The following ESR1 variants were observed in gnomAD, a reference collection of about 807,000 sequenced individuals.
The protein encoded by ESR1 is estrogen receptor.
In ESR1, 12 loss-of-function variants were observed where a neutral mutation model predicts 52.7. The ratio of observed to expected loss-of-function variants is 0.23; its 90% CI spans 0.15 to 0.37. The LOEUF (loss-of-function observed/expected upper bound fraction) is 0.37. Ranked by LOEUF, ESR1 falls within the 10% of genes least tolerant of loss-of-function variation. ESR1 has a pLI of 1.00. For synonymous variants in ESR1, 305 were observed against 316.8 expected, an observed-to-expected ratio of 0.96 and a Z score of 0.39; for missense variants, 584 against 779.7, an observed-to-expected ratio of 0.75 and a Z score of 2.99.
chr6:151,971,858 A>T (rs1218701730), intron 4 of ESR1, among the ~76,000 whole-genome samples: 1 of 152,290 alleles, frequency 6.6e-6, no homozygotes, highest in East Asian at 1.9e-4. Context: ...AAAAAGATAA[A>T]TGAAACAAAA....
intron 1 of ESR1, among the ~76,000 whole-genome samples, chr6:151,676,783 C>A (rs959263200): frequency 3.9e-5 from 6 of 152,162 alleles, no homozygotes; most frequent in African/African-American, 1.4e-4. Context: ...AGAGAAACTG[C>A]TATCTGATAA....
chr6:151,752,712 G>A (rs952873087), intron 2 of ESR1, among the ~76,000 whole-genome samples: 3 of 152,080 alleles, frequency 2.0e-5, no homozygotes, highest in Non-Finnish European at 2.9e-5. Context: ...CATGTGTTCA[G>A]CATTTAAAAA....
chr6:151,910,606 T>A (rs1798115919), intron 3 of ESR1, among the ~76,000 whole-genome samples: 1 of 152,216 alleles, frequency 6.6e-6, no homozygotes, highest in African/African-American at 2.4e-5. Flanking sequence ...GAAAATTTTA[T>A]CAGTATCTGT....
Position 151,809,437 on chromosome 6 carries a change from A to G in ESR1, c.452+1073A>G, listed in dbSNP as rs1259713796. On this transcript the variant is annotated intron_variant, in intron 1 of 7. Transcript: ENST00000206249. ...GGGCGCTTCTGGTGAACACCTTCCT[A>G]GGTGGCCACAGGACAGGTGTACCCC... Among the ~76,000 whole-genome samples the G allele has an allele frequency of 5.9e-5, 9 of 152,130 alleles. No homozygotes were observed. The East Asian group carries it at 1.7e-3, about 29-fold the overall frequency.
chr6:151,901,979 C>T (rs1190019163), intron 3 of ESR1, among the ~76,000 whole-genome samples: 2 of 152,146 alleles, frequency 1.3e-5, no homozygotes, highest in Non-Finnish European at 2.9e-5. Flanking sequence ...TTGGCCTTGA[C>T]GTATTACATT....
intron 3 of ESR1, among the ~76,000 whole-genome samples, chr6:151,927,326 G>C (rs1204714174): frequency 6.6e-6 from 1 of 152,100 alleles, no homozygotes; most frequent in South Asian, 2.1e-4. Context: ...ATCTTTATCT[G>C]ATTTGGGTAT....
At chr6:151,663,671 A>G (rs1182945408) in intron 1 of ESR1, among the ~76,000 whole-genome samples, 5 of 152,186 alleles carry the variant, frequency 3.3e-5, no homozygotes, top group Non-Finnish European at 5.9e-5. Context: ...CAGTGGCCCC[A>G]CAGAGTACGG....
At chr6:152,031,752 T>C (rs1361133072) in intron 5 of ESR1, among the ~76,000 whole-genome samples, 3 of 152,150 alleles carry the variant, frequency 2.0e-5, no homozygotes, top group Non-Finnish European at 4.4e-5. Context: ...ACTATTCCAA[T>C]CAATAGAAAA....
chr6:151,915,193 CA>C (rs200034289), intron 3 of ESR1, among the ~76,000 whole-genome samples: 163 of 129,626 alleles, frequency 1.3e-3, no homozygotes, highest in Middle Eastern at 4.0e-3. Flanking sequence ...GATTCCGTCT[CA>C]AAAAAAAAAA....
intron 4 of ESR1, among the ~76,000 whole-genome samples, chr6:151,991,511 G>A (rs926874962): frequency 3.3e-5 from 5 of 152,014 alleles, no homozygotes; most frequent in Admixed American, 2.0e-4. Flanking sequence ...ACCCAGAATA[G>A]TATATGATTA....
At chr6:151,763,739 A>G (rs1240402233) in intron 2 of ESR1, among the ~76,000 whole-genome samples, 1 of 152,234 alleles carries the variant, frequency 6.6e-6, no homozygotes, top group Non-Finnish European at 1.5e-5. Flanking sequence ...CCTTTCTAAG[A>G]CGAATCAACA....
intron 4 of ESR1, among the ~76,000 whole-genome samples, chr6:151,953,242 A>G (rs972812355): frequency 3.9e-5 from 6 of 152,096 alleles, no homozygotes; most frequent in Non-Finnish European, 8.8e-5. Context: ...ATTGTGTGCT[A>G]ACCTCTCTGT....
At chr6:152,115,644 G>A (rs998823587) in intron 6 of ESR1, among the ~76,000 whole-genome samples, 3 of 152,116 alleles carry the variant, frequency 2.0e-5, no homozygotes, top group African/African-American at 7.2e-5. Context: ...ATGAAGTCAG[G>A]ACACTTCATA....
intron 6 of ESR1, among the ~76,000 whole-genome samples, chr6:152,066,097 G>A (rs773034291): frequency 5.3e-5 from 8 of 152,198 alleles, no homozygotes; most frequent in African/African-American, 9.6e-5. Context: ...ATATAGTCAT[G>A]CTTTGTTAAT....
chr6:152,087,913 G>A (rs1304366721), intron 6 of ESR1, among the ~76,000 whole-genome samples: 1 of 152,174 alleles, frequency 6.6e-6, no homozygotes, highest in Non-Finnish European at 1.5e-5. Context: ...GAACCTGACA[G>A]CTGCATCTTG....
At chr6:151,938,809 A>G (rs1270231137) in intron 3 of ESR1, among the ~76,000 whole-genome samples, 1 of 152,200 alleles carries the variant, frequency 6.6e-6, no homozygotes, top group East Asian at 1.9e-4. Flanking sequence ...CGTGACGAGG[A>G]TATTATAGTT....
chr6:151,979,845 T>A (rs1199891200), intron 4 of ESR1, among the ~76,000 whole-genome samples: 1 of 152,182 alleles, frequency 6.6e-6, no homozygotes, highest in African/African-American at 2.4e-5. Context: ...AGATTAAAAT[T>A]TAATGAGCTT....
chr6:152,089,666 C>T (rs1312753565), intron 6 of ESR1, among the ~76,000 whole-genome samples: 2 of 152,118 alleles, frequency 1.3e-5, no homozygotes, highest in Non-Finnish European at 2.9e-5. Context: ...GCAACCTCCA[C>T]CTCCCAGGTC....
chr6:151,683,438 T>C (rs1343087139), intron 1 of ESR1, among the ~76,000 whole-genome samples: 3 of 149,894 alleles, frequency 2.0e-5, no homozygotes, highest in Non-Finnish European at 4.4e-5. Context: ...CCCCTCAATT[T>C]AAATGGAGAT....
Sources: gnomAD v4.1 joint callset for allele counts (sites outside exome capture counted in the v4.1 genomes callset) on GRCh38, gnomAD v4.1.1 for gene constraint, MANE v1.5 for transcripts, NCBI Gene and HGNC (gene_info 2026-07-23, HGNC 2026-07-21) for gene names.